TPTE: variants seen among roughly 807,000 people sequenced by gnomAD.
TPTE encodes putative tyrosine-protein phosphatase TPTE.
Under a neutral mutation model 84.1 loss-of-function variants are expected in TPTE, and 59 were observed. The ratio of observed to expected loss-of-function variants is 0.70; its 90% CI spans 0.57 to 0.87. The LOEUF (loss-of-function observed/expected upper bound fraction) is 0.87. TPTE is among the 40% of genes least tolerant of loss of function. TPTE has a pLI of 0.00. For synonymous variants in TPTE, 130 were observed against 223.5 expected (o/e 0.58, Z 3.73); for missense variants, 382 against 659.6 (o/e 0.58, Z 4.61).
chr21:10,565,071 C>T (rs564376308), intron 10 of TPTE, among the ~76,000 whole-genome samples: 3 of 152,424 alleles, frequency 2.0e-5, no homozygotes, highest in Admixed American at 1.3e-4. Context: ...GTAAAATTAT[C>T]CCTGTGTTTG....
chr21:10,550,248 G>C (rs1318465207), intron 7 of TPTE, among the ~76,000 whole-genome samples: 2 of 152,310 alleles, frequency 1.3e-5, no homozygotes, highest in African/African-American at 4.8e-5. Flanking sequence ...TAATAACTTT[G>C]AATGTTAATA....
At chr21:10,583,670 T>A (rs1232081708) in intron 17 of TPTE, among the ~76,000 whole-genome samples, 1 of 152,312 alleles carries the variant, frequency 6.6e-6, no homozygotes, top group Non-Finnish European at 1.5e-5. Flanking sequence ...TAAAGGACAT[T>A]TTACTACTGT....
At chr21:10,572,156 A>G (rs879645990) in intron 14 of TPTE, among the ~76,000 whole-genome samples, 196 of 152,072 alleles carry the variant, frequency 1.3e-3, no homozygotes, top group African/African-American at 4.4e-3. Flanking sequence ...AAAGTCAAAA[A>G]GAGGGAATAT....
intron 22 of TPTE, chr21:10,602,757 ACTTCG>A (rs71326357): frequency 0.03 from 13,091 of 435,296 alleles, no homozygotes; most frequent in East Asian, 0.073. Context: ...AGGGCAGCAC[ACTTCG>A]CAGGGCCAAC....
At chr21:10,588,774 A>G (rs1333288128) in intron 17 of TPTE, among the ~76,000 whole-genome samples, 1 of 152,300 alleles carries the variant, frequency 6.6e-6, no homozygotes, top group Admixed American at 6.5e-5. Context: ...CTCTGAAATT[A>G]TGTTTTCTAC....
intron 7 of TPTE, among the ~76,000 whole-genome samples, chr21:10,549,600 A>G (rs2074534588): frequency 6.6e-6 from 1 of 152,302 alleles, no homozygotes; most frequent in Admixed American, 6.5e-5. Context: ...CAGAAGAAAT[A>G]ATTTCTGAAC....
chr21:10,555,296 T>G (rs574495152), intron 8 of TPTE, among the ~76,000 whole-genome samples: 1 of 152,426 alleles, frequency 6.6e-6, no homozygotes, highest in African/African-American at 2.4e-5. Flanking sequence ...AACCTCCACT[T>G]CCCAGGTTCA....
intron 5 of TPTE, among the ~76,000 whole-genome samples, chr21:10,541,555 C>G (rs1243714609): frequency 6.6e-6 from 1 of 152,304 alleles, no homozygotes; most frequent in Non-Finnish European, 1.5e-5. Context: ...GATTAACTCT[C>G]AGATGTGTTC....
At chr21:10,580,440 CAAG>C (rs1360792619) in intron 17 of TPTE, among the ~76,000 whole-genome samples, 9 of 152,276 alleles carry the variant, frequency 5.9e-5, no homozygotes, top group African/African-American at 1.9e-4. Context: ...AGACCAATGT[CAAG>C]AAGATTTTCA....
At chr21:10,599,233 A>T (rs1248334818) in intron 21 of TPTE, among the ~76,000 whole-genome samples, 2 of 152,304 alleles carry the variant, frequency 1.3e-5, no homozygotes, top group Admixed American at 6.5e-5. Context: ...TCTGTTGATT[A>T]TGCCTTTGAC....
In TPTE at chr21:10,543,484, C is replaced by T. The variant is rs375192697; in HGVS notation, c.173+102C>T. The stretch of plus-strand genomic sequence containing the variant: ...ATATATCCATCCATCTTCATCCATA[C>T]ACACTTTTGTCAACACATTTACACA... On this transcript the variant is annotated intron_variant, in intron 7 of 23. Transcript: ENST00000618007. 28 of 1,594,340 alleles carry T rather than the reference C, an allele frequency of 1.8e-5. No individual in the cohort carries two copies. In the East Asian group the frequency reaches 2.2e-4, roughly 13 times the overall value.
At chr21:10,588,699 T>C (rs1217781539) in intron 17 of TPTE, among the ~76,000 whole-genome samples, 3 of 152,308 alleles carry the variant, frequency 2.0e-5, no homozygotes, top group African/African-American at 7.2e-5. Context: ...CTTTCTTCAC[T>C]TTTAAAAAAT....
intron 9 of TPTE, 113 bp downstream of exon 9, chr21:10,559,657 T>C (rs1378884238): frequency 1.3e-6 from 2 of 1,555,500 alleles, no homozygotes; most frequent in African/African-American, 1.4e-5. Flanking sequence ...GCGGATCACA[T>C]GAAGTCAGGA....
rs2075451923 is a variant in TPTE, at chr21:10,590,517, TG to T, written c.1084del (p.Ala362GlnfsTer24). 1.2e-6 allele frequency: 2 copies of T among 1,613,976 alleles called. No homozygotes were observed. Among genetic ancestry groups the T allele is most frequent in the Non-Finnish European group, 1.7e-6 (2 of 1,179,920 alleles). On this transcript the variant is annotated frameshift_variant, in exon 18 of 24. Transcript: ENST00000618007. LOFTEE classifies it high-confidence loss of function. ...FLIASEICST[A>X]KESLYYFGER... ...TTATTGCCTCTGAAATATGTTCAAC[TG>T]CAAAGGTATGAAAGATGTTCTACAA...
intron 8 of TPTE, among the ~76,000 whole-genome samples, chr21:10,553,453 A>G (rs1054323389): frequency 5.9e-5 from 9 of 152,422 alleles, no homozygotes; most frequent in African/African-American, 1.9e-4. Context: ...TAGTTCTTCA[A>G]ATTACCCTGA....
intron 17 of TPTE, among the ~76,000 whole-genome samples, chr21:10,584,879 A>AGTGTGTGTGT (rs56198162): frequency 0.023 from 3,373 of 147,004 alleles, no homozygotes; most frequent in African/African-American, 0.054. Context: ...ATGCTTTACG[A>AGTGTGTGTGT]GTGTGTGTGT....
At chr21:10,602,996 G>C (rs1978763669) in intron 22 of TPTE, among the ~76,000 whole-genome samples, 1 of 152,312 alleles carries the variant, frequency 6.6e-6, no homozygotes, top group Non-Finnish European at 1.5e-5. Context: ...TGCAGAGTAT[G>C]GGGGTCTGTG....
chr21:10,538,848 G>A (rs572752751), intron 4 of TPTE, 114 bp downstream of exon 4: 217 of 1,605,390 alleles, frequency 1.4e-4, no homozygotes, highest in Middle Eastern at 1.7e-4. Context: ...GCATCCATCC[G>A]TACACACTTC....
intron 8 of TPTE, among the ~76,000 whole-genome samples, chr21:10,558,301 G>A (rs1160140193): frequency 6.6e-6 from 1 of 152,306 alleles, no homozygotes; most frequent in Non-Finnish European, 1.5e-5. Flanking sequence ...AAATAGTTCT[G>A]CTTTTAGCTC....
Sources: allele counts gnomAD v4.1 joint callset (sites outside exome capture counted in the v4.1 genomes callset), GRCh38; gene constraint gnomAD v4.1.1; transcripts MANE v1.5; gene names NCBI Gene and HGNC (gene_info 2026-07-23, HGNC 2026-07-21).